Variants in FOXP1 observed in about 807,000 individuals in gnomAD.
The protein encoded by FOXP1 is forkhead box protein P1.
In FOXP1, 15 loss-of-function variants were observed where a neutral mutation model predicts 98.2. The observed-to-expected ratio is 0.15, with a 90% CI of 0.10 to 0.24. The LOEUF (loss-of-function observed/expected upper bound fraction) is 0.24. Ranked by LOEUF, FOXP1 falls within the 10% of genes least tolerant of loss-of-function variation. The pLI is 1.00. For synonymous variants in FOXP1, 371 were observed against 314.5 expected (o/e 1.18, Z -1.90); for missense variants, 633 against 848.5 (o/e 0.75, Z 3.15).
At chr3:71,380,698 A>ATTTTTTTTTT (rs11395817) in intron 3 of FOXP1, among the ~76,000 whole-genome samples, 1 of 100,264 alleles carries the variant, frequency 1.0e-5, no homozygotes, top group Non-Finnish European at 1.9e-5. Flanking sequence ...CTTTTTAGAC[A>ATTTTTTTTTT]TTTTTTTTTT....
intron 4 of FOXP1, among the ~76,000 whole-genome samples, chr3:71,308,166 T>A (rs908137630): frequency 6.6e-6 from 1 of 151,676 alleles, no homozygotes; most frequent in South Asian, 2.1e-4. Flanking sequence ...TGGGGGGGCG[T>A]AGTTGCAGTG....
chr3:71,151,102 T>C (rs2060549834), intron 6 of FOXP1, among the ~76,000 whole-genome samples: 1 of 152,202 alleles, frequency 6.6e-6, no homozygotes, highest in African/African-American at 2.4e-5. Flanking sequence ...CTTAGCCCCT[T>C]GTTACCATGT....
intron 2 of FOXP1, among the ~76,000 whole-genome samples, chr3:71,570,094 C>A (rs1008346064): frequency 6.6e-6 from 1 of 152,044 alleles, no homozygotes; most frequent in Non-Finnish European, 1.5e-5. Flanking sequence ...TCTGACTGTA[C>A]CTTAGGTCTT....
intron 5 of FOXP1, among the ~76,000 whole-genome samples, chr3:71,221,183 T>C (rs2065351722): frequency 6.6e-6 from 1 of 152,146 alleles, no homozygotes; most frequent in African/African-American, 2.4e-5. Context: ...TAGATTCTCA[T>C]AGGAGCAGGA....
chr3:71,087,751 G>T (rs2055291873), intron 7 of FOXP1, among the ~76,000 whole-genome samples: 2 of 152,082 alleles, frequency 1.3e-5, no homozygotes, highest in Admixed American at 1.3e-4. Flanking sequence ...GTCTGAGAAG[G>T]TACTATATTT....
intron 2 of FOXP1, among the ~76,000 whole-genome samples, chr3:71,509,762 T>G (rs1417889203): frequency 1.3e-5 from 2 of 152,130 alleles, no homozygotes; most frequent in African/African-American, 4.8e-5. Flanking sequence ...TGCACCTGAT[T>G]CTTAGCTACT....
chr3:71,422,447 C>T (rs1014784681), intron 3 of FOXP1, among the ~76,000 whole-genome samples: 3 of 152,178 alleles, frequency 2.0e-5, no homozygotes, highest in African/African-American at 4.8e-5. Context: ...TCAGGTGATG[C>T]CGCGGCTGCT....
At chr3:71,445,155 C>A (rs1320096964) in intron 3 of FOXP1, among the ~76,000 whole-genome samples, 2 of 152,094 alleles carry the variant, frequency 1.3e-5, no homozygotes, top group Non-Finnish European at 2.9e-5. Flanking sequence ...GAGCCATAAC[C>A]CCCATTTTAC....
In FOXP1 at chr3:70,962,870, G is replaced by A. The variant is rs961121345; in HGVS notation, c.1889+3020C>T. 5.3e-5 allele frequency among the ~76,000 whole-genome samples: 8 copies of A among 152,242 alleles called. No homozygotes were observed. The South Asian group carries it at 1.2e-3, about 24-fold the overall frequency. Reference sequence around the variant, plus strand: ...TTCTTGCTGTATAATTTTAGACTTTGACCAATATTTTGCTAACCTTATCCA... The same window carrying A: ...TTCTTGCTGTATAATTTTAGACTTTAACCAATATTTTGCTAACCTTATCCA... On this transcript the variant is annotated intron_variant, in intron 20 of 20. Coordinates refer to ENST00000649528, the MANE Select transcript of FOXP1 (RefSeq NM_001349338.3).
At chr3:71,558,802 C>CTTTTTT (rs35405702) in intron 2 of FOXP1, among the ~76,000 whole-genome samples, 6 of 117,554 alleles carry the variant, frequency 5.1e-5, no homozygotes, top group African/African-American at 2.1e-4. Context: ...CCGATTCTCA[C>CTTTTTT]TTTTTTTTTT....
At chr3:71,104,830 C>T (rs2057293148) in intron 7 of FOXP1, among the ~76,000 whole-genome samples, 2 of 152,160 alleles carry the variant, frequency 1.3e-5, no homozygotes, top group African/African-American at 4.8e-5. Context: ...GACTGTTGTG[C>T]TGACTGATAC....
intron 3 of FOXP1, among the ~76,000 whole-genome samples, chr3:71,371,728 G>A (rs1188407023): frequency 1.3e-5 from 2 of 152,208 alleles, no homozygotes; most frequent in African/African-American, 2.4e-5. Context: ...ATTTGAGGCT[G>A]CGGGGAGCTA....
At chr3:71,558,084 C>T (rs1330811130) in intron 2 of FOXP1, among the ~76,000 whole-genome samples, 1 of 152,212 alleles carries the variant, frequency 6.6e-6, no homozygotes, top group Non-Finnish European at 1.5e-5. Flanking sequence ...GCGTGAGCCA[C>T]CACACCCAGC....
At chr3:71,337,730 T>C (rs1478414272) in intron 4 of FOXP1, among the ~76,000 whole-genome samples, 1 of 152,192 alleles carries the variant, frequency 6.6e-6, no homozygotes, top group African/African-American at 2.4e-5. Flanking sequence ...AGCAAAAACT[T>C]TCATCTCAAG....
intron 2 of FOXP1, among the ~76,000 whole-genome samples, chr3:71,511,316 C>A (rs1438898163): frequency 1.3e-5 from 2 of 152,118 alleles, no homozygotes; most frequent in Non-Finnish European, 2.9e-5. Context: ...CCAGACCAGA[C>A]ACAACAAACC....
intron 1 of FOXP1, chr3:71,582,386 C>T (rs2048255474): frequency 2.0e-6 from 2 of 980,854 alleles, no homozygotes; most frequent in African/African-American, 3.5e-5. Flanking sequence ...CCGCCGCCAC[C>T]GCCGTGGTCC....
intron 6 of FOXP1, among the ~76,000 whole-genome samples, chr3:71,116,640 T>A (rs911525255): frequency 6.6e-6 from 1 of 152,204 alleles, no homozygotes; most frequent in African/African-American, 2.4e-5. Context: ...CAAATTAAAA[T>A]CCATTTAAAA....
At chr3:71,388,501 C>T (rs970542370) in intron 3 of FOXP1, among the ~76,000 whole-genome samples, 4 of 145,286 alleles carry the variant, frequency 2.8e-5, no homozygotes, top group Admixed American at 6.6e-5. Flanking sequence ...TCAAAATTAA[C>T]GTTAAGTACA....
intron 7 of FOXP1, among the ~76,000 whole-genome samples, chr3:71,063,186 T>C (rs1434245272): frequency 6.6e-6 from 1 of 152,280 alleles, no homozygotes; most frequent in African/African-American, 2.4e-5. Context: ...GTTTCATTTT[T>C]ACACACTTTT....
Sources: gnomAD v4.1 joint callset for allele counts (sites outside exome capture counted in the v4.1 genomes callset) on GRCh38, gnomAD v4.1.1 for gene constraint, MANE v1.5 for transcripts, NCBI Gene and HGNC (gene_info 2026-07-23, HGNC 2026-07-21) for gene names.